Variants in C3orf49 observed in about 807,000 individuals in gnomAD.
C3orf49 encodes putative uncharacterized protein C3orf49.
A neutral mutation model predicts 13.3 loss-of-function variants in C3orf49; 27 were observed. The ratio of observed to expected loss-of-function variants is 2.02; its 90% CI spans 1.49 to 2.79. C3orf49 has a LOEUF of 2.79. Ranked by LOEUF, C3orf49 falls within the 30% of genes most tolerant of loss-of-function variation. The pLI is 0.00. For missense variants in C3orf49, 242 were observed against 134.2 expected (o/e 1.80, Z -3.97); for synonymous variants, 87 against 47.6 (o/e 1.83, Z -3.40).
the C3orf49 span, among the ~76,000 whole-genome samples, chr3:63,810,095 G>A: frequency 1.3e-5 from 2 of 150,376 alleles, no homozygotes; most frequent in South Asian, 2.1e-4. Context: ...GCAGTGAGCC[G>A]AGATCACACC....
At chr3:63,842,204 A>G (rs1701776057) in intron 5 of C3orf49, among the ~76,000 whole-genome samples, 2 of 152,238 alleles carry the variant, frequency 1.3e-5, no homozygotes, top group Non-Finnish European at 2.9e-5. Flanking sequence ...GCCAACAGGT[A>G]TATGAAAAAA....
At chr3:63,803,513 A>G in the C3orf49 span, among the ~76,000 whole-genome samples, 1 of 152,246 alleles carries the variant, frequency 6.6e-6, no homozygotes, top group Non-Finnish European at 1.5e-5. Context: ...AAACCAGGCT[A>G]GATCAGCTAA....
At chr3:63,801,615 G>A in the C3orf49 span, among the ~76,000 whole-genome samples, 3 of 152,122 alleles carry the variant, frequency 2.0e-5, no homozygotes, top group Admixed American at 6.6e-5. Flanking sequence ...CTAGTGTTGT[G>A]AGCATTAAAT....
At chr3:63,810,277 A>G in the C3orf49 span, among the ~76,000 whole-genome samples, 3 of 152,150 alleles carry the variant, frequency 2.0e-5, no homozygotes, top group African/African-American at 7.2e-5. Flanking sequence ...CTATCTCTTA[A>G]AATTTCACAT....
At chr3:63,809,914 G>C in the C3orf49 span, among the ~76,000 whole-genome samples, 1 of 152,164 alleles carries the variant, frequency 6.6e-6, no homozygotes, top group Non-Finnish European at 1.5e-5. Flanking sequence ...TTGGGAGGCT[G>C]AGTCAGGTGG....
rs184884552 is a variant in C3orf49 at position 63,836,362 on chromosome 3, T to C, written c.849+4518T>C. The C allele has an allele frequency of 1.1e-5, 18 of 1,611,696 alleles. 1 individual carries two copies. The Admixed American group carries it at 2.5e-4, about 22-fold the overall frequency. The stretch of plus-strand genomic sequence containing the variant: ...ACTTTTGCCAAAGCATCATATTCTG[T>C]AAGACATAAAAATATTTATCAAACT... On this transcript the variant is annotated intron_variant, in intron 5 of 6. Coordinates refer to ENST00000295896, the MANE Select transcript of C3orf49 (RefSeq NM_001355236.2).
intron 5 of C3orf49, chr3:63,835,271 T>C (rs1349009447): frequency 1.2e-6 from 2 of 1,612,556 alleles, no homozygotes; most frequent in East Asian, 2.2e-5. Context: ...TATATATAGA[T>C]ATATAGACAG....
Position 63,848,612 on chromosome 3 carries a change from C to G in C3orf49, c.*279C>G, listed in dbSNP as rs1222081284. Reference sequence around the variant, plus strand: ...TGCTGTGGCATGTCTTTAACCTTGGCAAAATAAACTCCTAAATTGATTAAG... The same window carrying G: ...TGCTGTGGCATGTCTTTAACCTTGGGAAAATAAACTCCTAAATTGATTAAG... On this transcript the variant is annotated 3_prime_UTR_variant, in exon 7 of 7. Coordinates refer to ENST00000295896, the MANE Select transcript of C3orf49 (RefSeq NM_001355236.2). 3 of 152,140 alleles carry G rather than the reference C, an allele frequency of 2.0e-5. No individual in the cohort carries two copies. Among genetic ancestry groups the G allele is most frequent in the African/African-American group, 4.8e-5 (2 of 41,424 alleles). 9.4% of individuals were successfully genotyped at this position (152,140 alleles called of 1,614,324 possible).
chr3:63,828,807 G>C (rs955928565), intron 3 of C3orf49, among the ~76,000 whole-genome samples: 5 of 152,150 alleles, frequency 3.3e-5, no homozygotes, highest in African/African-American at 4.8e-5. Context: ...GGTACTGAGA[G>C]TTTAAGTAAT....
At chr3:63,838,332 A>G in intron 5 of C3orf49, 1 of 1,346,208 alleles carries the variant, frequency 7.4e-7, no homozygotes. Context: ...TTTAGACCAT[A>G]AAAAATAAAA....
chr3:63,819,082 G>C (rs1701362367), upstream of C3orf49, among the ~76,000 whole-genome samples: 1 of 151,994 alleles, frequency 6.6e-6, no homozygotes, highest in Non-Finnish European at 1.5e-5. Flanking sequence ...TGGTCAATTA[G>C]TGTGTGGGTG....
intron 6 of C3orf49, among the ~76,000 whole-genome samples, chr3:63,846,692 T>C (rs981133510): frequency 6.6e-6 from 1 of 152,174 alleles, no homozygotes; most frequent in African/African-American, 2.4e-5. Context: ...ATTATAGGCA[T>C]GAGCCACCGT....
intron 5 of C3orf49, among the ~76,000 whole-genome samples, chr3:63,842,077 T>C (rs952445436): frequency 6.6e-6 from 1 of 152,084 alleles, no homozygotes; most frequent in African/African-American, 2.4e-5. Flanking sequence ...TTAATAGATC[T>C]AAGAGAGATT....
At chr3:63,841,439 C>T (rs1163904969) in intron 5 of C3orf49, among the ~76,000 whole-genome samples, 1 of 152,098 alleles carries the variant, frequency 6.6e-6, no homozygotes, top group Non-Finnish European at 1.5e-5. Flanking sequence ...GTGAATAATT[C>T]CTGGAGAGCC....
the C3orf49 span, among the ~76,000 whole-genome samples, chr3:63,811,749 G>C: frequency 1.3e-5 from 2 of 151,602 alleles, no homozygotes; most frequent in Non-Finnish European, 2.9e-5. Flanking sequence ...TAGGCTCATA[G>C]CTGTATTACA....
upstream of C3orf49, among the ~76,000 whole-genome samples, chr3:63,817,120 G>A (rs1701333346): frequency 6.6e-6 from 1 of 151,918 alleles, no homozygotes; most frequent in Admixed American, 6.6e-5. Flanking sequence ...CCACCTCCGG[G>A]CTTTGGCACA....
intron 5 of C3orf49, chr3:63,834,098 C>T: frequency 6.2e-7 from 1 of 1,609,734 alleles, no homozygotes; most frequent in Non-Finnish European, 8.5e-7. Context: ...GTAGCTATTT[C>T]AATATTCCTG....
intron 4 of C3orf49, among the ~76,000 whole-genome samples, 187 bp from the exon 5 acceptor site, chr3:63,831,493 T>C (rs757341800): frequency 6.6e-6 from 1 of 152,216 alleles, no homozygotes; most frequent in Non-Finnish European, 1.5e-5. Flanking sequence ...GAGATTGTCT[T>C]TATCACTGGG....
At chr3:63,791,287 A>G in the C3orf49 span, among the ~76,000 whole-genome samples, 1 of 152,240 alleles carries the variant, frequency 6.6e-6, no homozygotes. Context: ...GAATCATACT[A>G]GAAAGCAGAG....
Sources: gnomAD v4.1 joint callset for allele counts (sites outside exome capture counted in the v4.1 genomes callset) on GRCh38, gnomAD v4.1.1 for gene constraint, MANE v1.5 for transcripts, NCBI Gene and HGNC (gene_info 2026-07-23, HGNC 2026-07-21) for gene names.